Variants in ROGDI observed in about 807,000 individuals in gnomAD.
The protein encoded by ROGDI is rogdi atypical leucine zipper.
In ROGDI, 46 loss-of-function variants were observed where a neutral mutation model predicts 43.1. That is an observed-to-expected ratio of 1.07 (90% confidence interval 0.84 to 1.37). The LOEUF (loss-of-function observed/expected upper bound fraction) is 1.37, where lower values mean the gene tolerates loss of function less well. Among genes scored for constraint, ROGDI ranks in the 40% most tolerant of loss-of-function variants. The pLI is 0.00. For missense variants in ROGDI, 518 were observed against 383.9 expected (o/e 1.35, Z -2.92); for synonymous variants, 243 against 162.0 (o/e 1.50, Z -3.80).
intron 6 of ROGDI, among the ~76,000 whole-genome samples, 191 bp downstream of exon 6, chr16:4,799,495 T>C (rs531987251): frequency 6.6e-6 from 1 of 152,160 alleles, no homozygotes; most frequent in South Asian, 2.1e-4. Context: ...CCCCGTGACC[T>C]GAATTATTAT....
In ROGDI at chr16:4,801,250, A is replaced by G; in HGVS notation, c.255+17T>C. The G allele has an allele frequency of 6.3e-7, 1 of 1,592,790 alleles. No homozygotes were observed. Among genetic ancestry groups the G allele is most frequent in the South Asian group, 1.1e-5 (1 of 88,498 alleles). On this transcript the variant is annotated intron_variant, in intron 4 of 10. Transcript: ENST00000322048. ...CCCCATTGGCAGGATGGGAGGGGAC[A>G]GGGCCGGGGGACTCACCGCCTGGCT...
intron 5 of ROGDI, among the ~76,000 whole-genome samples, chr16:4,800,188 T>C (rs557046607): frequency 1.1e-3 from 162 of 152,248 alleles, no homozygotes; most frequent in African/African-American, 3.8e-3. Context: ...GGCAAGTCCC[T>C]GGAGGCTCTG....
At chr16:4,799,037 G>A (rs907023133) in intron 6 of ROGDI, among the ~76,000 whole-genome samples, 12 of 152,136 alleles carry the variant, frequency 7.9e-5, no homozygotes, top group Admixed American at 3.9e-4. Context: ...GGCGATGGAT[G>A]ACTGGGTTGA....
intron 3 of ROGDI, 57 bp from the exon 4 acceptor site, chr16:4,801,378 C>A: frequency 2.5e-6 from 4 of 1,578,958 alleles, no homozygotes; most frequent in Non-Finnish European, 3.5e-6. Flanking sequence ...ACCCAGCCCT[C>A]CCTCCCGGCG....
Position 4,801,294 on chromosome 16 carries a change from A to C in ROGDI, c.228T>G (p.Thr76=), listed in dbSNP as rs141981654. The change falls in exon 4 of 11, where the codon ACT becomes ACG. Residue 76 remains threonine (T), a synonymous_variant. Transcript: ENST00000322048. ...CGTDQVKGVL[T]LQGDALSQAD... ...CCTGGCTGAGGGCATCCCCCTGCAGAGTCAGCACACCCTTCACCTGGTCTG... is the reference window on the plus strand; with the variant it reads ...CCTGGCTGAGGGCATCCCCCTGCAGCGTCAGCACACCCTTCACCTGGTCTG... 2.6e-5 allele frequency: 42 copies of C among 1,609,110 alleles called. No homozygotes were observed. Among genetic ancestry groups the C allele is most frequent in the Non-Finnish European group, 3.4e-5 (40 of 1,176,650 alleles).
chr16:4,798,833 G>A (rs150818752), intron 6 of ROGDI, 166 bp from the exon 7 acceptor site: 10 of 623,276 alleles, frequency 1.6e-5, no homozygotes, highest in Non-Finnish European at 2.3e-5. Flanking sequence ...GCTCCAGCTG[G>A]GTATGGAGGA....
intron 1 of ROGDI, 31 bp downstream of exon 1, chr16:4,802,496 G>A: frequency 5.0e-6 from 6 of 1,210,142 alleles, no homozygotes; most frequent in Non-Finnish European, 6.1e-6. Flanking sequence ...CCGCCGCCCC[G>A]CCGGCCCGCC....
intron 10 of ROGDI, 76 bp from the exon 11 acceptor site, chr16:4,797,577 G>A (rs896406237): frequency 4.5e-6 from 3 of 661,348 alleles, no homozygotes; most frequent in East Asian, 9.5e-5. Flanking sequence ...GTCACCCAAG[G>A]ACAATATGTC....
intron 5 of ROGDI, among the ~76,000 whole-genome samples, chr16:4,800,117 G>A (rs984532659): frequency 6.6e-6 from 1 of 152,174 alleles, no homozygotes; most frequent in Admixed American, 6.5e-5. Flanking sequence ...GGCAGGGGAG[G>A]AGGCTGGGGC....
rs1191191707 is a variant in ROGDI at position 4,797,212 on chromosome 16, G to A, written c.*248C>T. The A allele has an allele frequency of 1.0e-5, 5 of 476,958 alleles. No individual in the cohort carries two copies. In the East Asian group the frequency reaches 1.1e-4, roughly 10 times the overall value. 29.5% of individuals were successfully genotyped at this position (476,958 alleles called of 1,614,324 possible). On this transcript the variant is annotated 3_prime_UTR_variant, in exon 11 of 11. Coordinates refer to ENST00000322048, the MANE Select transcript of ROGDI (RefSeq NM_024589.3). The stretch of plus-strand genomic sequence containing the variant: ...CCAAAGATTCCCATGGTGATCAGAG[G>A]GCGGTGTTGGGAATGTGGGACACCC...
intron 6 of ROGDI, 61 bp downstream of exon 6, chr16:4,799,625 G>C: frequency 7.7e-7 from 1 of 1,299,942 alleles, no homozygotes; most frequent in Non-Finnish European, 1.1e-6. Context: ...TGGAACCCAG[G>C]TGTGATTCCG....
intron 2 of ROGDI, 160 bp from the exon 3 acceptor site, chr16:4,801,745 C>T (rs1475867252): frequency 4.6e-6 from 3 of 645,406 alleles, no homozygotes; most frequent in Admixed American, 2.5e-5. Flanking sequence ...TGCCCAAGCC[C>T]CCAGGGCACC....
At chr16:4,801,028 T>G in intron 4 of ROGDI, 1 of 509,120 alleles carries the variant, frequency 2.0e-6, no homozygotes. Flanking sequence ...CATGTTTCAC[T>G]GGTCCGGACG....
At chr16:4,801,071 C>T in intron 4 of ROGDI, 196 bp downstream of exon 4, 1 of 551,258 alleles carries the variant, frequency 1.8e-6, no homozygotes, top group Non-Finnish European at 3.2e-6. Context: ...AACCCCTCTC[C>T]TGCACCTCTT....
intron 2 of ROGDI, chr16:4,801,871 G>C: frequency 5.2e-6 from 3 of 580,046 alleles, no homozygotes; most frequent in Non-Finnish European, 9.4e-6. Context: ...GGGGGAAAGG[G>C]GCAAGGGGCA....
At position 4,801,506 on chromosome 16, in the gene ROGDI, C is replaced by T. The variant is rs1555491559; in HGVS notation, c.197G>A (p.Cys66Tyr). 8 of 1,604,378 alleles carry T rather than the reference C, an allele frequency of 5.0e-6. No individual in the cohort carries two copies. Among genetic ancestry groups the T allele is most frequent in the Non-Finnish European group, 6.8e-6 (8 of 1,175,550 alleles). The part of the protein sequence containing the change: ...AKQENFILGS[C>Y]GTDQVKGVLT... ...TTTCCGCCTAGCCCAGGCTCACCCA[C>T]AGCTGCCTAGGATGAAGTTCTCTTG... Residue 66 changes from cysteine to tyrosine, a missense_variant, in exon 3 of 11, where the codon TGT becomes TAT. By Grantham distance (194) the Cys-to-Tyr change is radical. Coordinates refer to ENST00000322048, the MANE Select transcript of ROGDI (RefSeq NM_024589.3).
Position 4,797,178 on chromosome 16 carries a change from G to C in ROGDI, c.*282C>G. On this transcript the variant is annotated 3_prime_UTR_variant, in exon 11 of 11. Coordinates refer to ENST00000322048, the MANE Select transcript of ROGDI (RefSeq NM_024589.3). The stretch of plus-strand genomic sequence containing the variant: ...GAGGGAGAGCCCTGCGCCTGGCCCT[G>C]TCCTGAGTCCAAAGATTCCCATGGT... 2.4e-6 allele frequency: 1 copy of C among 413,020 alleles called. No homozygotes were observed. The highest frequency in any genetic ancestry group is 4.4e-6 in the Non-Finnish European group (1 of 225,150). 25.6% of individuals were successfully genotyped at this position (413,020 alleles called of 1,614,324 possible). A position where few individuals can be genotyped will look rare whatever the true frequency, so the allele number is the denominator to read the frequency against.
Position 4,799,732 on chromosome 16 carries a change from C to A in ROGDI, c.386G>T (p.Ser129Ile). The change falls in exon 6 of 11, where the codon AGC (serine) becomes ATC (isoleucine). Residue 129 changes from serine to isoleucine, a missense_variant. Transcript: ENST00000322048. ...CTTGAACTGGTAGCTCTGGTCCCGG[C>A]TGGTAAGCAGGTAAATGGCTTGGCT... is the stretch of plus-strand genomic sequence containing the variant. ...HVSQAIYLLTSRDQSYQFKTG... is the reference protein window; with the variant it reads ...HVSQAIYLLTIRDQSYQFKTG... 3 of 1,613,780 alleles carry A rather than the reference C, an allele frequency of 1.9e-6. No homozygotes were observed. Among genetic ancestry groups the A allele is most frequent in the Non-Finnish European group, 1.7e-6 (2 of 1,179,802 alleles).
Position 4,797,214 on chromosome 16 carries a change from C to T in ROGDI, c.*246G>A, listed in dbSNP as rs1039786573. On this transcript the variant is annotated 3_prime_UTR_variant, in exon 11 of 11. Transcript: ENST00000322048. ...AAAGATTCCCATGGTGATCAGAGGG[C>T]GGTGTTGGGAATGTGGGACACCCTT... 6.0e-5 allele frequency: 29 copies of T among 480,112 alleles called. 2 individuals are homozygous for T. The highest frequency in any genetic ancestry group is 4.4e-4 in the South Asian group (17 of 39,078). The allele number at this position is 480,112 out of a possible 1,614,324, so 29.7% of individuals were successfully genotyped here. A position where few individuals can be genotyped will look rare whatever the true frequency, so the allele number is the denominator to read the frequency against.
Sources: allele counts gnomAD v4.1 joint callset (sites outside exome capture counted in the v4.1 genomes callset), GRCh38; gene constraint gnomAD v4.1.1; transcripts MANE v1.5; gene names NCBI Gene and HGNC (gene_info 2026-07-23, HGNC 2026-07-21).